Variants in MUC17 observed in about 807,000 individuals in gnomAD.
MUC17 encodes mucin-17.
In MUC17, 190 loss-of-function variants were observed where a neutral mutation model predicts 170.3. The ratio of observed to expected loss-of-function variants is 1.12; its 90% CI spans 0.99 to 1.26. MUC17 has a LOEUF of 1.26. Ranked by LOEUF, MUC17 falls within the 50% of genes most tolerant of loss-of-function variation. The pLI, the probability that MUC17 is intolerant of heterozygous loss-of-function variation, is 0.00. For missense variants in MUC17, 6,415 were observed against 5,530.0 expected (o/e 1.16, Z -5.08); for synonymous variants, 2,325 against 2,002.5 (o/e 1.16, Z -4.30).
intron 1 of MUC17, among the ~76,000 whole-genome samples, chr7:101,029,310 C>T (rs375649703): frequency 2.0e-5 from 3 of 149,164 alleles, no homozygotes; most frequent in Non-Finnish European, 3.0e-5. Flanking sequence ...GAGCAGAGAT[C>T]GCGCCACTGC....
intron 11 of MUC17, among the ~76,000 whole-genome samples, chr7:101,054,593 C>T (rs1211817192): frequency 6.6e-6 from 1 of 152,066 alleles, no homozygotes; most frequent in Non-Finnish European, 1.5e-5. Context: ...CTTTGGGAGG[C>T]CGAGGCTGGA....
chr7:101,038,687 C>A lies in MUC17; in HGVS notation c.7271C>A (p.Thr2424Asn), dbSNP rs1459238124. The part of the protein sequence containing the change: ...ASTHSTTPVD[T>N]STPVTTSTEA... ...ACCCATTCCACAACTCCTGTTGACACCAGCACACCTGTCACCACTTCTACT... is the reference window on the plus strand; with the variant it reads ...ACCCATTCCACAACTCCTGTTGACAACAGCACACCTGTCACCACTTCTACT... The change falls in exon 3 of 13, where the codon ACC (threonine) becomes AAC (asparagine). Residue 2424 changes from threonine to asparagine, a missense_variant. Physicochemically the swap from Thr to Asn is moderately conservative, Grantham distance 65 (BLOSUM62 0). Transcript: ENST00000306151. The A allele has an allele frequency of 1.2e-6, 2 of 1,613,882 alleles. No homozygotes were observed. Among genetic ancestry groups the A allele is most frequent in the Non-Finnish European group, 1.7e-6 (2 of 1,179,994 alleles).
At position 101,041,286 on chromosome 7, in the gene MUC17, C is replaced by T. The variant is rs777437439; in HGVS notation, c.9870C>T (p.Thr3290=). The stretch of plus-strand genomic sequence containing the variant: ...CATTAACAAGTATGCCTGTCAGCAC[C>T]ACAACGGTGGCCAGTTCTGAAACGA... The part of the protein sequence containing the change: ...STPLTSMPVS[T]TTVASSETST... The change falls in exon 3 of 13, where the codon ACC becomes ACT. Residue 3290 remains threonine, a synonymous_variant. Coordinates refer to ENST00000306151, the MANE Select transcript of MUC17 (RefSeq NM_001040105.2). 1.1e-5 allele frequency: 18 copies of T among 1,611,110 alleles called. No homozygotes were observed. Among genetic ancestry groups the T allele is most frequent in the East Asian group, 1.1e-4 (5 of 44,820 alleles).
chr7:101,026,981 G>A (rs1353206308), intron 1 of MUC17, among the ~76,000 whole-genome samples: 1 of 152,112 alleles, frequency 6.6e-6, no homozygotes. Flanking sequence ...TTCCCAAAGT[G>A]CTGGGATTAC....
At position 101,023,944 on chromosome 7, in the gene MUC17, A is replaced by G. The variant is rs74538635; in HGVS notation, c.82+3727A>G. ...GATCACTGTGACTGGGATATATTCT[A>G]TATCTCATTGTGGTTTCAATTTGCA... On this transcript the variant is annotated intron_variant, in intron 1 of 12. Coordinates refer to ENST00000306151, the MANE Select transcript of MUC17 (RefSeq NM_001040105.2). 0.016 allele frequency among the ~76,000 whole-genome samples: 2,488 copies of G among 151,612 alleles called. 151 individuals carry two copies. In the East Asian group the frequency reaches 0.17, roughly 10 times the overall value.
At chr7:101,056,894 C>T (rs935044469) in intron 12 of MUC17, among the ~76,000 whole-genome samples, 8 of 151,938 alleles carry the variant, frequency 5.3e-5, no homozygotes, top group African/African-American at 9.7e-5. Context: ...CACTGACTTC[C>T]GTTATGTCTC....
intron 1 of MUC17, among the ~76,000 whole-genome samples, chr7:101,025,619 C>T (rs1228223812): frequency 3.3e-5 from 5 of 152,018 alleles, no homozygotes; most frequent in African/African-American, 9.7e-5. Flanking sequence ...TGGTGAAACC[C>T]CGCCTCTACT....
Position 101,020,235 on chromosome 7 carries a change from C to A in MUC17, c.82+18C>A. ...AGAACAGGGTGAGTGACCCCCACGC[C>A]CCGCTGCCCAAGAGGCCCCCATCCC... On this transcript the variant is annotated intron_variant, in intron 1 of 12. Transcript: ENST00000306151. 6.3e-7 allele frequency: 1 copy of A among 1,596,516 alleles called. No homozygotes were observed. Among genetic ancestry groups the A allele is most frequent in the South Asian group, 1.1e-5 (1 of 87,670 alleles).
Position 101,043,068 on chromosome 7 carries a change from A to G in MUC17, c.11652A>G (p.Thr3884=). The G allele has an allele frequency of 6.2e-7, 1 of 1,614,098 alleles. No individual in the cohort carries two copies. Among genetic ancestry groups the G allele is most frequent in the Non-Finnish European group, 8.5e-7 (1 of 1,180,008 alleles). The change falls in exon 3 of 13, where the codon ACA becomes ACG. Residue 3884 remains threonine (T), a synonymous_variant. Coordinates refer to ENST00000306151, the MANE Select transcript of MUC17 (RefSeq NM_001040105.2). ...TAACAACTCTCCTTGTCAGCACCAC[A>G]CTTCCAACTAGCTTTCCTGGGGCCA... The part of the protein sequence containing the change: ...TPLTTLLVST[T]LPTSFPGASI...
rs761230035 is a variant in MUC17, at chr7:101,034,987, G to C, written c.3571G>C (p.Val1191Leu). The part of the protein sequence containing the change: ...STTPVDSKTQ[V>L]ATSTEASSPP... The stretch of plus-strand genomic sequence containing the variant: ...AACTCCTGTGGACTCCAAAACTCAG[G>C]TGGCCACTTCTACTGAAGCCAGTTC... The change falls in exon 3 of 13, where the codon GTG becomes CTG. Residue 1191 changes from valine (V) to leucine (L), a missense_variant. Physicochemically the swap from Val to Leu is conservative, Grantham distance 32. Coordinates refer to ENST00000306151, the MANE Select transcript of MUC17 (RefSeq NM_001040105.2). 2 of 1,613,586 alleles carry C rather than the reference G, an allele frequency of 1.2e-6. No individual in the cohort carries two copies. Among genetic ancestry groups the C allele is most frequent in the Admixed American group, 1.7e-5 (1 of 59,938 alleles).
chr7:101,036,031 G>A lies in MUC17; in HGVS notation c.4615G>A (p.Ala1539Thr), dbSNP rs780216742. 4 of 1,612,010 alleles carry A rather than the reference G, an allele frequency of 2.5e-6. No homozygotes were observed. Among genetic ancestry groups the A allele is most frequent in the Non-Finnish European group, 3.4e-6 (4 of 1,178,936 alleles). ...AATCAACAGCCTTTCAACAACTCCT[G>A]CTGTCACCAGCACACCTGTGACCAC... Reference protein sequence around the residue: ...SEINSLSTTPAVTSTPVTTYS... With the variant: ...SEINSLSTTPTVTSTPVTTYS... Residue 1539 changes from alanine to threonine, a missense_variant, in exon 3 of 13, where the codon GCT becomes ACT. Coordinates refer to ENST00000306151, the MANE Select transcript of MUC17 (RefSeq NM_001040105.2).
rs540817946 is a variant in MUC17 at position 101,040,073 on chromosome 7, C to T, written c.8657C>T (p.Ala2886Val). 1.3e-4 allele frequency: 212 copies of T among 1,613,250 alleles called. 3 individuals are homozygous for T. The South Asian group carries it at 2.3e-3, about 17-fold the overall frequency. Residue 2886 changes from alanine to valine, a missense_variant, in exon 3 of 13, where the codon GCT (alanine) becomes GTT (valine). By Grantham distance (64) the Ala-to-Val change is moderately conservative. Transcript: ENST00000306151. ...ACCACGCCGGTGGCCAGTTCTGAGG[C>T]TAGCACCCTTTCAACAACTCCTGTT... is the stretch of plus-strand genomic sequence containing the variant. ...VSTTPVASSE[A>V]STLSTTPVDT... is the part of the protein sequence containing the mutation.
Position 101,036,590 on chromosome 7 carries a change from C to G in MUC17, c.5174C>G (p.Thr1725Ser), listed in dbSNP as rs1387023954. The G allele has an allele frequency of 6.2e-7, 1 of 1,613,384 alleles. No homozygotes were observed. The highest frequency in any genetic ancestry group is 1.7e-5 in the Admixed American group (1 of 59,974). Residue 1725 changes from threonine (T) to serine (S), a missense_variant, in exon 3 of 13, where the codon ACT becomes AGT. Thr to Ser is a moderately conservative substitution (Grantham distance 58). Transcript: ENST00000306151. The stretch of plus-strand genomic sequence containing the variant: ...AACAGCACACCTGTGACCACTTCTA[C>G]TGAAGCCCGTTCATCTCCTACAACT... ...VDNSTPVTTSTEARSSPTTSE... is the reference protein window; with the variant it reads ...VDNSTPVTTSSEARSSPTTSE...
rs763359329 is a variant in MUC17 at position 101,043,463 on chromosome 7, CA to C, written c.12049del (p.Thr4017ProfsTer29). The C allele has an allele frequency of 4.3e-5, 69 of 1,614,104 alleles. No homozygotes were observed. Among genetic ancestry groups the C allele is most frequent in the Admixed American group, 3.3e-5 (2 of 60,004 alleles). On this transcript the variant is annotated frameshift_variant, in exon 3 of 13. Coordinates refer to ENST00000306151, the MANE Select transcript of MUC17 (RefSeq NM_001040105.2). LOFTEE classifies it high-confidence loss of function. The stretch of plus-strand genomic sequence containing the variant: ...TCTACTGCCCCCAGCACACCCAGAA[CA>C]ACCAGCAGAGGCTGCACTACTTCTG... ...TMSTAPSTPR[T>X]TSRGCTTSAS...
In MUC17 at chr7:101,047,968, T is replaced by C; in HGVS notation, c.12404-16T>C. On this transcript the variant is annotated splice_polypyrimidine_tract_variant and intron_variant, in intron 3 of 12. Transcript: ENST00000306151. ...TGGAGGAACTTGGAAAGAAAACTTC[T>C]GTGATTGTTCCACAGGCTTTGGAGA... is the stretch of plus-strand genomic sequence containing the variant. 1 of 1,567,784 alleles carries C rather than the reference T, an allele frequency of 6.4e-7. No homozygotes were observed. The highest frequency in any genetic ancestry group is 8.6e-7 in the Non-Finnish European group (1 of 1,158,858).
Position 101,053,325 on chromosome 7 carries a change from G to T in MUC17, c.13266-14G>T, listed in dbSNP as rs553521859. On this transcript the variant is annotated splice_polypyrimidine_tract_variant and intron_variant, in intron 10 of 12. Coordinates refer to ENST00000306151, the MANE Select transcript of MUC17 (RefSeq NM_001040105.2). ...CCAATCCTAATGGGGTCTCTCTGAT[G>T]TTTCCATCACTAGGCAAAAGTACAG... The T allele has an allele frequency of 1.6e-5, 26 of 1,612,132 alleles. No individual in the cohort carries two copies. The African/African-American group carries it at 2.5e-4, about 16-fold the overall frequency.
Position 101,044,898 on chromosome 7 carries a change from C to G in MUC17, c.12403+1079C>G, listed in dbSNP as rs1392369509. On this transcript the variant is annotated intron_variant, in intron 3 of 12. Coordinates refer to ENST00000306151, the MANE Select transcript of MUC17 (RefSeq NM_001040105.2). ...TTGATTCATCTTATCCTCTGAGCAC[C>G]CACTATAGAAGCAAAAGAAGATTCC... is the stretch of plus-strand genomic sequence containing the variant. 5.9e-5 allele frequency among the ~76,000 whole-genome samples: 9 copies of G among 152,182 alleles called. No homozygotes were observed. The East Asian group carries it at 1.7e-3, about 29-fold the overall frequency.
At position 101,040,916 on chromosome 7, in the gene MUC17, C is replaced by T. The variant is rs377434098; in HGVS notation, c.9500C>T (p.Thr3167Ile). The T allele has an allele frequency of 1.9e-6, 3 of 1,613,616 alleles. No individual in the cohort carries two copies. Among genetic ancestry groups the T allele is most frequent in the African/African-American group, 2.7e-5 (2 of 74,786 alleles). The change falls in exon 3 of 13, where the codon ACA becomes ATA. Residue 3167 changes from threonine to isoleucine, a missense_variant. Thr to Ile is a moderately conservative substitution (Grantham distance 89). Transcript: ENST00000306151. ...CCTAGTGAAGGAAGTACTCCATTAACATATATGCCTGTCAGCACCATGCTG... is the reference window on the plus strand; with the variant it reads ...CCTAGTGAAGGAAGTACTCCATTAATATATATGCCTGTCAGCACCATGCTG... ...STPSEGSTPL[T>I]YMPVSTMLVV...
chr7:101,032,318 C>T lies in MUC17; in HGVS notation c.902C>T (p.Ala301Val), dbSNP rs758055359. Residue 301 changes from alanine to valine, a missense_variant, in exon 3 of 13, where the codon GCC becomes GTC. By Grantham distance (64) the Ala-to-Val change is moderately conservative. Transcript: ENST00000306151. ...AGCACCCTTTCAACAACTCCTGCTG[C>T]CACCAACATTCCTGTGATCACTTCT... is the stretch of plus-strand genomic sequence containing the variant. ...EASTLSTTPAATNIPVITSTE... is the reference protein window; with the variant it reads ...EASTLSTTPAVTNIPVITSTE... 2.5e-6 allele frequency: 4 copies of T among 1,609,406 alleles called. No individual in the cohort carries two copies. In the East Asian group the frequency reaches 6.7e-5, roughly 27 times the overall value.
Sources: allele counts gnomAD v4.1 joint callset (sites outside exome capture counted in the v4.1 genomes callset), GRCh38; gene constraint gnomAD v4.1.1; transcripts MANE v1.5; gene names NCBI Gene and HGNC (gene_info 2026-07-23, HGNC 2026-07-21).